Variants in ROBO1 observed in about 807,000 individuals in gnomAD.
ROBO1 encodes roundabout guidance receptor 1.
A neutral mutation model predicts 195.9 loss-of-function variants in ROBO1; 149 were observed. The observed-to-expected ratio is 0.76, with a 90% CI of 0.67 to 0.87. The LOEUF (loss-of-function observed/expected upper bound fraction) is 0.87. Among genes scored for constraint, ROBO1 ranks in the 40% least tolerant of loss-of-function variants. The pLI is 0.00. For synonymous variants in ROBO1, 816 were observed against 733.2 expected (o/e 1.11, Z -1.82); for missense variants, 1,933 against 2,068.3 (o/e 0.93, Z 1.27).
intron 3 of ROBO1, among the ~76,000 whole-genome samples, chr3:79,075,028 T>C (rs7628994): frequency 0.96 from 145,339 of 151,986 alleles, 69,844 homozygotes; most frequent in East Asian, 1. Flanking sequence ...GGAATAACTA[T>C]CCACAGAAAC....
At chr3:78,822,379 G>T (rs1007039417) in intron 4 of ROBO1, among the ~76,000 whole-genome samples, 1 of 152,102 alleles carries the variant, frequency 6.6e-6, no homozygotes, top group Admixed American at 6.6e-5. Context: ...TGTGCCAGCT[G>T]CCTTGAATCA....
rs150299099 is a variant in ROBO1, at chr3:79,755,245, A to G, written c.-51+12507T>C. Among the ~76,000 whole-genome samples the G allele has an allele frequency of 2.3e-3, 350 of 152,250 alleles. 2 individuals carry two copies. The highest frequency in any genetic ancestry group is 7.9e-3 in the African/African-American group (330 of 41,532). Reference sequence around the variant, plus strand: ...ATCTCACGATGCTTAGAATGAAAATAATTGCTTAATTTTTCTAAATTAGAA... The same window carrying G: ...ATCTCACGATGCTTAGAATGAAAATGATTGCTTAATTTTTCTAAATTAGAA... On this transcript the variant is annotated intron_variant, in intron 1 of 30. Transcript: ENST00000464233.
intron 3 of ROBO1, among the ~76,000 whole-genome samples, chr3:79,057,853 G>A (rs1041743342): frequency 1.3e-5 from 2 of 151,986 alleles, no homozygotes; most frequent in Non-Finnish European, 2.9e-5. Context: ...GTGGATTCCT[G>A]GAGCTACAGA....
At chr3:79,509,481 C>T (rs1940586566) in intron 2 of ROBO1, among the ~76,000 whole-genome samples, 1 of 152,074 alleles carries the variant, frequency 6.6e-6, no homozygotes, top group Admixed American at 6.6e-5. Context: ...AAAACTTCAT[C>T]CCCTGCATTG....
chr3:79,423,938 C>T (rs2038336704), intron 2 of ROBO1, among the ~76,000 whole-genome samples: 1 of 151,838 alleles, frequency 6.6e-6, no homozygotes, highest in Admixed American at 6.6e-5. Flanking sequence ...CAGTTATGTT[C>T]ATAAGACTGC....
At chr3:79,574,044 G>A (rs1211366531) in intron 2 of ROBO1, among the ~76,000 whole-genome samples, 1 of 151,968 alleles carries the variant, frequency 6.6e-6, no homozygotes, top group Non-Finnish European at 1.5e-5. Flanking sequence ...TGGATTTCCT[G>A]TACTCAAAGA....
chr3:78,813,355 A>G (rs991829792), intron 4 of ROBO1, among the ~76,000 whole-genome samples: 27 of 152,118 alleles, frequency 1.8e-4, no homozygotes, highest in African/African-American at 6.5e-4. Flanking sequence ...TGTTTGTAAA[A>G]TATTAGTCAA....
intron 4 of ROBO1, among the ~76,000 whole-genome samples, chr3:78,878,886 C>CA (rs1310085122): frequency 6.6e-6 from 1 of 151,992 alleles, no homozygotes; most frequent in African/African-American, 2.4e-5. Context: ...TAGCAGATGA[C>CA]AATAAACAAA....
chr3:78,851,437 T>A (rs2034058932), intron 4 of ROBO1, among the ~76,000 whole-genome samples: 1 of 152,222 alleles, frequency 6.6e-6, no homozygotes. Context: ...GGCATTTGGG[T>A]AAGTCGGGAC....
In ROBO1 at chr3:78,633,978, T is replaced by C. The variant is rs1705334970; in HGVS notation, c.3438A>G (p.Thr1146=). The C allele has an allele frequency of 6.2e-7, 1 of 1,613,104 alleles. No individual in the cohort carries two copies. The highest frequency in any genetic ancestry group is 8.5e-7 in the Non-Finnish European group (1 of 1,179,332). ...IPYNQSYDQN[T]GGSYNSSDRG... ...GGTCTGAGCTGTTGTAGGATCCTCC[T>C]GTGTTCTGGTCGTATGATTGGTTGT... Residue 1146 remains threonine (T), a synonymous_variant, in exon 24 of 31, where the codon ACA becomes ACG. Coordinates refer to ENST00000464233, the MANE Select transcript of ROBO1 (RefSeq NM_002941.4).
intron 2 of ROBO1, among the ~76,000 whole-genome samples, chr3:79,195,164 T>A (rs917426835): frequency 6.6e-6 from 1 of 151,520 alleles, no homozygotes; most frequent in South Asian, 2.1e-4. Flanking sequence ...ATTTGACTAC[T>A]CCAAAGATCA....
At chr3:79,383,814 G>A (rs1369370724) in intron 2 of ROBO1, among the ~76,000 whole-genome samples, 1 of 151,788 alleles carries the variant, frequency 6.6e-6, no homozygotes, top group Non-Finnish European at 1.5e-5. Flanking sequence ...TAGATGTCTG[G>A]GCAGGTCAGA....
chr3:79,651,478 A>C (rs1398304838), intron 1 of ROBO1, among the ~76,000 whole-genome samples: 1 of 152,120 alleles, frequency 6.6e-6, no homozygotes, highest in Admixed American at 6.6e-5. Flanking sequence ...AAGCCAAAAC[A>C]TCCATATAAA....
intron 2 of ROBO1, among the ~76,000 whole-genome samples, chr3:79,489,381 C>T (rs1273620848): frequency 3.9e-5 from 6 of 152,008 alleles, no homozygotes; most frequent in Admixed American, 6.5e-5. Flanking sequence ...ATTGGCCAGG[C>T]GCAGTGGCTA....
At chr3:79,252,845 T>C (rs2082757820) in intron 2 of ROBO1, among the ~76,000 whole-genome samples, 1 of 152,112 alleles carries the variant, frequency 6.6e-6, no homozygotes, top group African/African-American at 2.4e-5. Flanking sequence ...GCCACACATA[T>C]GCAATCATAT....
At chr3:79,471,598 T>C (rs1938273522) in intron 2 of ROBO1, among the ~76,000 whole-genome samples, 1 of 152,172 alleles carries the variant, frequency 6.6e-6, no homozygotes, top group Non-Finnish European at 1.5e-5. Context: ...TTTACTCCTA[T>C]AAAAAATTAT....
intron 2 of ROBO1, among the ~76,000 whole-genome samples, chr3:79,534,937 A>T (rs918028923): frequency 1.3e-5 from 2 of 152,140 alleles, no homozygotes; most frequent in African/African-American, 4.8e-5. Context: ...TGGCTTAGTC[A>T]GTTCTCTGCT....
chr3:79,040,561 TA>T (rs2078468573), intron 3 of ROBO1, among the ~76,000 whole-genome samples: 1 of 152,222 alleles, frequency 6.6e-6, no homozygotes, highest in African/African-American at 2.4e-5. Context: ...TTTGCTTTTT[TA>T]ATATAAGCAC....
At chr3:79,636,985 A>T (rs990217602) in intron 1 of ROBO1, among the ~76,000 whole-genome samples, 1 of 152,242 alleles carries the variant, frequency 6.6e-6, no homozygotes, top group Non-Finnish European at 1.5e-5. Context: ...AGCTGGCTTT[A>T]TTAAACATGA....
Sources: allele counts gnomAD v4.1 joint callset (sites outside exome capture counted in the v4.1 genomes callset), GRCh38; gene constraint gnomAD v4.1.1; transcripts MANE v1.5; gene names NCBI Gene and HGNC (gene_info 2026-07-23, HGNC 2026-07-21).